Variants in AKR7A3 observed in about 807,000 individuals in gnomAD.
AKR7A3 encodes aldo-keto reductase family 7 member A3.
A neutral mutation model predicts 32.5 loss-of-function variants in AKR7A3; 37 were observed. The ratio of observed to expected loss-of-function variants is 1.14; its 90% CI spans 0.88 to 1.50. The LOEUF is 1.50. Ranked by LOEUF, AKR7A3 falls within the 40% of genes most tolerant of loss-of-function variation. The pLI is 0.00. For synonymous variants in AKR7A3, 177 were observed against 188.4 expected, an observed-to-expected ratio of 0.94 and a Z score of 0.50; for missense variants, 412 against 453.2, an observed-to-expected ratio of 0.91 and a Z score of 0.83.
At chr1:19,287,551 C>T (rs1263884724) in intron 1 of AKR7A3, among the ~76,000 whole-genome samples, 1 of 151,908 alleles carries the variant, frequency 6.6e-6, no homozygotes, top group Non-Finnish European at 1.5e-5. Context: ...TGCCAGGCAT[C>T]GGCCTAAGCA....
At position 19,286,184 on chromosome 1, in the gene AKR7A3, C is replaced by T; in HGVS notation, c.402+1G>A. The T allele has an allele frequency of 6.2e-7, 1 of 1,612,584 alleles. No individual in the cohort carries two copies. Among genetic ancestry groups the T allele is most frequent in the Non-Finnish European group, 8.5e-7 (1 of 1,179,918 alleles). ...CTCCCAGAGCTCAGGGGTCCCCTCA[C>T]CTCCTGGTGCAGCTGGTGGCAGGCA... On this transcript the variant is annotated splice_donor_variant, in intron 2 of 6. Coordinates refer to ENST00000361640, the MANE Select transcript of AKR7A3 (RefSeq NM_012067.3). LOFTEE classifies it high-confidence loss of function.
intron 1 of AKR7A3, among the ~76,000 whole-genome samples, chr1:19,287,651 G>A (rs1179475605): frequency 2.6e-5 from 4 of 151,896 alleles, no homozygotes; most frequent in African/African-American, 7.3e-5. Context: ...CAGCACCCGC[G>A]GCATTGCCAA....
At chr1:19,280,265 A>T (rs935812796), downstream of AKR7A3, among the ~76,000 whole-genome samples, 2 of 151,776 alleles carry the variant, frequency 1.3e-5, no homozygotes, top group Non-Finnish European at 2.9e-5. Flanking sequence ...TTTGAGACAG[A>T]CAGAGTCTTG....
In AKR7A3 at chr1:19,286,287, C is replaced by T. The variant is rs2093729727; in HGVS notation, c.300G>A (p.Lys100=). ...SLRFQLETSL[K]RLQCPRVDLF... Reference sequence around the variant, plus strand: ...GGTCCACTCGGGGACACTGCAGCCGCTTCAGTGACGTCTCCAGCTGGAACC... The same window carrying T: ...GGTCCACTCGGGGACACTGCAGCCGTTTCAGTGACGTCTCCAGCTGGAACC... The change falls in exon 2 of 7, where the codon AAG becomes AAA. Residue 100 remains lysine (K), a synonymous_variant. Coordinates refer to ENST00000361640, the MANE Select transcript of AKR7A3 (RefSeq NM_012067.3). 3 of 1,613,828 alleles carry T rather than the reference C, an allele frequency of 1.9e-6. No homozygotes were observed. The highest frequency in any genetic ancestry group is 2.2e-5 in the East Asian group (1 of 44,900).
chr1:19,277,552 C>T, the AKR7A3 span, among the ~76,000 whole-genome samples: 1,116 of 151,468 alleles, frequency 7.4e-3, 31 homozygotes, highest in African/African-American at 0.025. Flanking sequence ...GACAAAGTCT[C>T]GCTCTGTTGT....
At chr1:19,285,193 A>T in intron 3 of AKR7A3, 79 bp from the exon 4 acceptor site, 5 of 1,334,628 alleles carry the variant, frequency 3.7e-6, no homozygotes, top group Non-Finnish European at 4.3e-6. Context: ...CAGAACCCTT[A>T]TTTCAGACCT....
downstream of AKR7A3, among the ~76,000 whole-genome samples, chr1:19,279,906 A>C (rs1466092500): frequency 6.6e-6 from 1 of 151,192 alleles, no homozygotes; most frequent in African/African-American, 2.5e-5. Flanking sequence ...CTTTCCCAAA[A>C]CATTATGAGA....
At chr1:19,277,648 A>G (rs150292389), downstream of AKR7A3, among the ~76,000 whole-genome samples, 128 of 151,972 alleles carry the variant, frequency 8.4e-4, 2 homozygotes, top group African/African-American at 3.1e-3. Flanking sequence ...CAGCTCTCGA[A>G]TAGCTGGAAT....
the AKR7A3 span, among the ~76,000 whole-genome samples, chr1:19,275,242 T>A: frequency 6.6e-6 from 1 of 151,136 alleles, no homozygotes; most frequent in Non-Finnish European, 1.5e-5. Flanking sequence ...AGAAACCCCA[T>A]CTCTACTAAA....
At chr1:19,275,530 G>A in the AKR7A3 span, among the ~76,000 whole-genome samples, 33 of 151,986 alleles carry the variant, frequency 2.2e-4, no homozygotes, top group East Asian at 3.7e-3. Context: ...ATACTGGCCC[G>A]TATAGTGGTT....
chr1:19,281,154 G>A (rs1365661944), downstream of AKR7A3, among the ~76,000 whole-genome samples: 3 of 151,170 alleles, frequency 2.0e-5, no homozygotes, highest in Non-Finnish European at 2.9e-5. Context: ...AATTCTCCCT[G>A]CCTCAGCCTC....
chr1:19,282,728 G>A lies in AKR7A3; in HGVS notation c.*3C>T. 1.9e-6 allele frequency: 3 copies of A among 1,613,840 alleles called. No individual in the cohort carries two copies. The highest frequency in any genetic ancestry group is 2.5e-6 in the Non-Finnish European group (3 of 1,180,042). On this transcript the variant is annotated 3_prime_UTR_variant, in exon 7 of 7. Coordinates refer to ENST00000361640, the MANE Select transcript of AKR7A3 (RefSeq NM_012067.3). ...GCCTTGGGCAGCCTGAGAAACGATG[G>A]GCCTAGCGGAAGTAGTTGGGACATT...
chr1:19,286,606 G>A (rs192654412), intron 1 of AKR7A3, among the ~76,000 whole-genome samples: 57 of 151,962 alleles, frequency 3.8e-4, no homozygotes, highest in African/African-American at 1.2e-3. Flanking sequence ...GCTTGAACCC[G>A]GGAGGCGGAG....
downstream of AKR7A3, among the ~76,000 whole-genome samples, chr1:19,282,393 C>T (rs2093720296): frequency 6.6e-6 from 1 of 151,800 alleles, no homozygotes; most frequent in Admixed American, 6.6e-5. Flanking sequence ...CACGCTGGCG[C>T]CGCTTCCCCC....
downstream of AKR7A3, among the ~76,000 whole-genome samples, chr1:19,280,318 G>A (rs1410094952): frequency 6.6e-5 from 10 of 150,418 alleles, no homozygotes; most frequent in South Asian, 1.1e-3. Flanking sequence ...ATTTTGGCTC[G>A]CTGCAACCTC....
chr1:19,288,388 GA>G, intron 1 of AKR7A3, 107 bp downstream of exon 1: 1 of 1,369,720 alleles, frequency 7.3e-7, no homozygotes, highest in East Asian at 2.7e-5. Flanking sequence ...CGGTGGGGGG[GA>G]CAAAACTTTG....
chr1:19,287,218 G>A (rs2093732148), intron 1 of AKR7A3, among the ~76,000 whole-genome samples: 2 of 150,614 alleles, frequency 1.3e-5, no homozygotes, highest in Admixed American at 1.3e-4. Flanking sequence ...GAGGTGGGAG[G>A]ATGGCTTGAG....
At chr1:19,278,612 T>C (rs2093714481), downstream of AKR7A3, among the ~76,000 whole-genome samples, 1 of 151,808 alleles carries the variant, frequency 6.6e-6, no homozygotes, top group Non-Finnish European at 1.5e-5. Flanking sequence ...AACTACTGTA[T>C]TGAGACATAA....
rs1433794380 is a variant in AKR7A3, at chr1:19,286,070, T to C, written c.403-78A>G. 5 of 1,593,976 alleles carry C rather than the reference T, an allele frequency of 3.1e-6. No homozygotes were observed. The South Asian group carries it at 4.5e-5, about 14-fold the overall frequency. On this transcript the variant is annotated intron_variant, in intron 2 of 6. Coordinates refer to ENST00000361640, the MANE Select transcript of AKR7A3 (RefSeq NM_012067.3). The stretch of plus-strand genomic sequence containing the variant: ...GAGGCCAGGGTGGGGCCCCTGGGAG[T>C]TGGGCTGTTCCCTGCTCCACCCTGG...
Sources: gnomAD v4.1 joint callset for allele counts (sites outside exome capture counted in the v4.1 genomes callset) on GRCh38, gnomAD v4.1.1 for gene constraint, MANE v1.5 for transcripts, NCBI Gene and HGNC (gene_info 2026-07-23, HGNC 2026-07-21) for gene names.